CSMD1: variants seen among roughly 807,000 people sequenced by gnomAD.
CSMD1 encodes CUB and Sushi multiple domains 1, also known as CUB and sushi domain-containing protein 1.
CSMD1 carries 213 observed loss-of-function variants against 417.5 expected under a neutral mutation model. That is an observed-to-expected ratio of 0.51 (90% confidence interval 0.46 to 0.57). The LOEUF is 0.57. Among genes scored for constraint, CSMD1 ranks in the 20% least tolerant of loss-of-function variants. The pLI, the probability that CSMD1 is intolerant of heterozygous loss-of-function variation, is 0.00. For synonymous variants in CSMD1, 2,862 were observed against 1,736.8 expected, an observed-to-expected ratio of 1.65 and a Z score of -16.11; for missense variants, 6,923 against 4,529.7, an observed-to-expected ratio of 1.53 and a Z score of -15.17.
chr8:4,939,419 T>A (rs1238032824), intron 1 of CSMD1, among the ~76,000 whole-genome samples: 2 of 152,178 alleles, frequency 1.3e-5, no homozygotes, highest in Non-Finnish European at 2.9e-5. Context: ...AACAGGTGAA[T>A]CGATAAAGAA....
At chr8:3,412,640 C>A (rs1188748115) in intron 12 of CSMD1, among the ~76,000 whole-genome samples, 1 of 152,194 alleles carries the variant, frequency 6.6e-6, no homozygotes, top group East Asian at 1.9e-4. Flanking sequence ...ACACTGCTAA[C>A]GTCACACCTC....
intron 23 of CSMD1, among the ~76,000 whole-genome samples, chr8:3,331,560 T>C (rs1223431534): frequency 6.6e-6 from 1 of 152,164 alleles, no homozygotes; most frequent in Admixed American, 6.5e-5. Context: ...GTCTTTAAAC[T>C]GAAAATAACA....
At chr8:4,503,804 G>C (rs1270303483) in intron 2 of CSMD1, among the ~76,000 whole-genome samples, 1 of 152,208 alleles carries the variant, frequency 6.6e-6, no homozygotes, top group East Asian at 1.9e-4. Context: ...GTGAATTATT[G>C]TCATCACCTA....
intron 6 of CSMD1, among the ~76,000 whole-genome samples, chr8:3,711,049 C>A (rs1185765343): frequency 6.6e-6 from 1 of 152,110 alleles, no homozygotes; most frequent in Non-Finnish European, 1.5e-5. Flanking sequence ...GTCTAAACTG[C>A]CAAGTCTGAG....
intron 12 of CSMD1, among the ~76,000 whole-genome samples, chr8:3,413,374 C>T (rs897376826): frequency 5.3e-5 from 8 of 152,040 alleles, no homozygotes; most frequent in African/African-American, 1.9e-4. Context: ...TCAAGAGAGA[C>T]CTGTGGTTAG....
At chr8:3,216,525 AC>A (rs1214388640) in intron 29 of CSMD1, among the ~76,000 whole-genome samples, 1 of 152,104 alleles carries the variant, frequency 6.6e-6, no homozygotes, top group Non-Finnish European at 1.5e-5. Context: ...ATTAAATATC[AC>A]CTACACAACT....
chr8:4,386,093 T>A (rs991583160), intron 3 of CSMD1, among the ~76,000 whole-genome samples: 4 of 152,206 alleles, frequency 2.6e-5, no homozygotes, highest in African/African-American at 9.6e-5. Context: ...CTTCTCTCGC[T>A]GTACCCAGAA....
intron 6 of CSMD1, among the ~76,000 whole-genome samples, chr8:3,738,175 T>G (rs1266281612): frequency 6.6e-6 from 1 of 152,226 alleles, no homozygotes; most frequent in East Asian, 1.9e-4. Context: ...TGCCCTTTGA[T>G]CTATACATTT....
chr8:4,611,922 G>T (rs140211699), intron 2 of CSMD1, among the ~76,000 whole-genome samples: 1 of 152,130 alleles, frequency 6.6e-6, no homozygotes, highest in South Asian at 2.1e-4. Context: ...CTACATTCCT[G>T]AATAGTTACT....
intron 1 of CSMD1, among the ~76,000 whole-genome samples, chr8:4,658,473 GCAAAAA>G (rs1804379517): frequency 6.6e-6 from 1 of 152,026 alleles, no homozygotes; most frequent in Non-Finnish European, 1.5e-5. Context: ...ACGCAAAAAA[GCAAAAA>G]CAAAAACAAA....
intron 12 of CSMD1, among the ~76,000 whole-genome samples, chr8:3,454,182 T>A (rs554313943): frequency 1.7e-4 from 26 of 152,188 alleles, no homozygotes; most frequent in Non-Finnish European, 3.2e-4. Context: ...TTTCTCCACC[T>A]CTTTATTTTG....
At chr8:3,908,889 C>G (rs1808280096) in intron 5 of CSMD1, among the ~76,000 whole-genome samples, 1 of 152,304 alleles carries the variant, frequency 6.6e-6, no homozygotes, top group South Asian at 2.1e-4. Flanking sequence ...CACACCTTCC[C>G]TAAGAGGAAG....
intron 5 of CSMD1, among the ~76,000 whole-genome samples, chr8:3,774,961 T>C (rs772670293): frequency 7.9e-5 from 12 of 152,030 alleles, no homozygotes; most frequent in Admixed American, 5.9e-4. Flanking sequence ...AGGTAGCATA[T>C]ACACAGCAAT....
intron 1 of CSMD1, among the ~76,000 whole-genome samples, chr8:4,671,321 C>G (rs1386089426): frequency 1.3e-5 from 2 of 152,066 alleles, no homozygotes; most frequent in Non-Finnish European, 2.9e-5. Context: ...ATTCTTTATT[C>G]TTGTTTTTTA....
intron 1 of CSMD1, among the ~76,000 whole-genome samples, chr8:4,726,679 G>A (rs148508766): frequency 2.6e-5 from 4 of 152,130 alleles, no homozygotes; most frequent in Non-Finnish European, 4.4e-5. Flanking sequence ...CTCTGCTGCT[G>A]TCCTATTTCA....
At chr8:4,347,259 T>A (rs960785810) in intron 3 of CSMD1, among the ~76,000 whole-genome samples, 1 of 152,130 alleles carries the variant, frequency 6.6e-6, no homozygotes, top group Non-Finnish European at 1.5e-5. Flanking sequence ...CATCCACGAT[T>A]TGGGGTAATC....
Position 3,288,894 on chromosome 8 carries a change from T to C in CSMD1, c.3951-4548A>G, listed in dbSNP as rs568766097. On this transcript the variant is annotated intron_variant, in intron 25 of 69. Transcript: ENST00000635120. Reference sequence around the variant, plus strand: ...ACAACCTACAGGTTTGTTGCATATGTATACATGTGCCATGCTGGTGTGCTA... The same window carrying C: ...ACAACCTACAGGTTTGTTGCATATGCATACATGTGCCATGCTGGTGTGCTA... Among the ~76,000 whole-genome samples the C allele has an allele frequency of 8.4e-4, 123 of 147,138 alleles. 6 individuals are homozygous for C. Among genetic ancestry groups the C allele is most frequent in the Non-Finnish European group, 1.5e-3 (101 of 67,980 alleles).
chr8:4,523,949 G>T (rs1051381233), intron 2 of CSMD1, among the ~76,000 whole-genome samples: 2 of 152,044 alleles, frequency 1.3e-5, no homozygotes, highest in Non-Finnish European at 2.9e-5. Flanking sequence ...TGAAAGTCCA[G>T]GTGTTTCCCC....
intron 2 of CSMD1, among the ~76,000 whole-genome samples, chr8:4,512,276 G>C (rs1214726836): frequency 6.6e-6 from 1 of 152,116 alleles, no homozygotes; most frequent in African/African-American, 2.4e-5. Context: ...ACCAGAACAA[G>C]AGGGAAACCT....
Sources: allele counts gnomAD v4.1 joint callset (sites outside exome capture counted in the v4.1 genomes callset), GRCh38; gene constraint gnomAD v4.1.1; transcripts MANE v1.5; gene names NCBI Gene and HGNC (gene_info 2026-07-23, HGNC 2026-07-21).